R3HDM1: variants seen among roughly 807,000 people sequenced by gnomAD.
R3HDM1 encodes R3H domain containing 1.
Under a neutral mutation model 141.1 loss-of-function variants are expected in R3HDM1, and 46 were observed. The observed-to-expected ratio is 0.33, with a 90% CI of 0.26 to 0.42. R3HDM1 has a LOEUF of 0.42. Among genes scored for constraint, R3HDM1 ranks in the 10% least tolerant of loss-of-function variants. The pLI is 1.00. For synonymous variants in R3HDM1, 435 were observed against 472.9 expected (o/e 0.92, Z 1.04); for missense variants, 1,184 against 1,368.3 (o/e 0.87, Z 2.12).
chr2:135,532,561 A>AT (rs1158181615), intron 1 of R3HDM1, among the ~76,000 whole-genome samples: 97 of 148,978 alleles, frequency 6.5e-4, no homozygotes, highest in African/African-American at 2.4e-3. Context: ...AAAATTTTCT[A>AT]AATATATATA....
At chr2:135,660,106 A>G (rs1337973959) in intron 18 of R3HDM1, among the ~76,000 whole-genome samples, 1 of 152,254 alleles carries the variant, frequency 6.6e-6, no homozygotes, top group Non-Finnish European at 1.5e-5. Flanking sequence ...TAGCAGTTAA[A>G]TTGAATGAGC....
intron 19 of R3HDM1, among the ~76,000 whole-genome samples, chr2:135,661,785 C>G (rs2066751521): frequency 6.6e-6 from 1 of 152,180 alleles, no homozygotes; most frequent in South Asian, 2.1e-4. Flanking sequence ...AACCACCTAA[C>G]TTGGATTGAG....
At chr2:135,661,655 C>T (rs2066732684) in intron 19 of R3HDM1, among the ~76,000 whole-genome samples, 1 of 152,194 alleles carries the variant, frequency 6.6e-6, no homozygotes, top group African/African-American at 2.4e-5. Flanking sequence ...GCTGCCATCT[C>T]TTACTGCCAT....
intron 1 of R3HDM1, among the ~76,000 whole-genome samples, chr2:135,575,428 C>T (rs1201714495): frequency 3.3e-5 from 5 of 152,264 alleles, no homozygotes; most frequent in East Asian, 3.9e-4. Context: ...GTGATCCACC[C>T]GCCTGGCCTC....
intron 1 of R3HDM1, among the ~76,000 whole-genome samples, chr2:135,592,758 T>A (rs1003561087): frequency 1.3e-4 from 20 of 151,984 alleles, no homozygotes; most frequent in African/African-American, 2.9e-4. Flanking sequence ...TATTTTTTTT[T>A]ATTTTTATTT....
chr2:135,592,158 C>T (rs1013662166), intron 1 of R3HDM1, among the ~76,000 whole-genome samples: 5 of 152,160 alleles, frequency 3.3e-5, no homozygotes, highest in African/African-American at 1.2e-4. Flanking sequence ...AGCCAGTCCC[C>T]ATCTGGAATC....
chr2:135,597,330 T>C (rs2059274835), intron 1 of R3HDM1: 1 of 933,250 alleles, frequency 1.1e-6, no homozygotes, highest in African/African-American at 1.8e-5. Context: ...CCTTCTGTGG[T>C]TATTTGGTAA....
chr2:135,568,878 C>T (rs1703414937), intron 1 of R3HDM1: 1 of 152,128 alleles, frequency 6.6e-6, no homozygotes, highest in Non-Finnish European at 1.5e-5. Context: ...CCCTAAAAGT[C>T]AAATAATGTG....
At chr2:135,698,074 AAGTG>A (rs2073543689) in intron 21 of R3HDM1, among the ~76,000 whole-genome samples, 1 of 148,496 alleles carries the variant, frequency 6.7e-6, no homozygotes, top group Admixed American at 6.8e-5. Context: ...AAAAAAAAGT[AAGTG>A]CTCTTCACAA....
chr2:135,615,207 T>C (rs973814358), intron 3 of R3HDM1, among the ~76,000 whole-genome samples: 1 of 152,042 alleles, frequency 6.6e-6, no homozygotes, highest in Non-Finnish European at 1.5e-5. Context: ...CTTGTTTCTG[T>C]TGACTCTACA....
chr2:135,621,404 C>T lies in R3HDM1; in HGVS notation c.304-90C>T, dbSNP rs75260513. On this transcript the variant is annotated intron_variant, in intron 5 of 26. Transcript: ENST00000683871. ...GGTAAAATAATCTTTTTCCTCTGTA[C>T]AATTCTGTGTTACTCAAAAAATATA... 1.3e-3 allele frequency: 991 copies of T among 750,338 alleles called. 8 individuals are homozygous for T. The African/African-American group carries it at 0.016, about 12-fold the overall frequency. 46.5% of individuals were successfully genotyped at this position (750,338 alleles called of 1,614,324 possible). A position where few individuals can be genotyped will look rare whatever the true frequency, so the allele number is the denominator to read the frequency against.
chr2:135,545,398 G>T (rs937154086), intron 1 of R3HDM1, among the ~76,000 whole-genome samples: 1 of 152,164 alleles, frequency 6.6e-6, no homozygotes, highest in African/African-American at 2.4e-5. Flanking sequence ...GAACATGATG[G>T]AATGGAGCGT....
chr2:135,629,394 T>A (rs56941641), intron 7 of R3HDM1, among the ~76,000 whole-genome samples: 5,913 of 152,134 alleles, frequency 0.039, 399 homozygotes, highest in African/African-American at 0.14. Context: ...TTGGGAAAAC[T>A]TTAGGAAGTA....
chr2:135,682,730 C>T (rs7599898), intron 21 of R3HDM1, among the ~76,000 whole-genome samples: 31,890 of 152,182 alleles, frequency 0.21, 3,877 homozygotes, highest in East Asian at 0.45. Flanking sequence ...GGCATGGTGG[C>T]TCACGCCTGT....
In R3HDM1 at chr2:135,581,118, C is replaced by G; in HGVS notation, c.-249-21382C>G. 4 of 889,786 alleles carry G rather than the reference C, an allele frequency of 4.5e-6. No homozygotes were observed. The South Asian group carries it at 2.1e-4, about 46-fold the overall frequency. 55.1% of individuals were successfully genotyped at this position (889,786 alleles called of 1,614,324 possible). Reference sequence around the variant, plus strand: ...AAGAATAAATTAGAAGGCAGCAGAACCATTTTAAAGGCTGGAGACCAGTAA... The same window carrying G: ...AAGAATAAATTAGAAGGCAGCAGAAGCATTTTAAAGGCTGGAGACCAGTAA... On this transcript the variant is annotated intron_variant, in intron 1 of 26. Transcript: ENST00000683871.
intron 15 of R3HDM1, among the ~76,000 whole-genome samples, chr2:135,642,611 A>G (rs1343460498): frequency 6.6e-6 from 1 of 152,228 alleles, no homozygotes; most frequent in Non-Finnish European, 1.5e-5. Context: ...TTGGCAAGGT[A>G]ATGAAAACTC....
intron 1 of R3HDM1, among the ~76,000 whole-genome samples, chr2:135,582,070 G>C (rs185002700): frequency 6.6e-6 from 1 of 152,170 alleles, no homozygotes; most frequent in Non-Finnish European, 1.5e-5. Context: ...GCTCACACCT[G>C]TAATCCTAGC....
intron 1 of R3HDM1, 105 bp downstream of exon 1, chr2:135,531,738 A>G (rs545544928): frequency 2.0e-6 from 2 of 985,668 alleles, no homozygotes; most frequent in East Asian, 1.1e-4. Flanking sequence ...GGAGGCAGGC[A>G]GGGGAGAGAT....
At chr2:135,622,753 G>T in intron 7 of R3HDM1, 21 bp downstream of exon 7, 1 of 1,542,642 alleles carries the variant, frequency 6.5e-7, no homozygotes, top group Non-Finnish European at 8.8e-7. Context: ...AATTTATAAG[G>T]TTTCCATTGC....
Sources: allele counts gnomAD v4.1 joint callset (sites outside exome capture counted in the v4.1 genomes callset), GRCh38; gene constraint gnomAD v4.1.1; transcripts MANE v1.5; gene names NCBI Gene and HGNC (gene_info 2026-07-23, HGNC 2026-07-21).